PLSCR5: variants seen among roughly 807,000 people sequenced by gnomAD.
The protein encoded by PLSCR5 is phospholipid scramblase family member 5.
A neutral mutation model predicts 33.6 loss-of-function variants in PLSCR5; 44 were observed. The ratio of observed to expected loss-of-function variants is 1.31; its 90% CI spans 1.03 to 1.69. The LOEUF (loss-of-function observed/expected upper bound fraction) is 1.69, where lower values mean the gene tolerates loss of function less well. Ranked by LOEUF, PLSCR5 falls within the 40% of genes most tolerant of loss-of-function variation. PLSCR5 has a pLI of 0.00. For synonymous variants in PLSCR5, 148 were observed against 112.3 expected (o/e 1.32, Z -2.01); for missense variants, 375 against 318.7 (o/e 1.18, Z -1.34).
chr3:146,580,709 C>T (rs991488251), intron 7 of PLSCR5, among the ~76,000 whole-genome samples: 2 of 152,110 alleles, frequency 1.3e-5, no homozygotes, highest in African/African-American at 4.8e-5. Flanking sequence ...GCAAGCCGCC[C>T]GCCTTGGCCT....
At chr3:146,593,873 A>G (rs1576820918) in intron 4 of PLSCR5, 47 bp downstream of exon 4, 1 of 1,547,932 alleles carries the variant, frequency 6.5e-7, no homozygotes, top group Non-Finnish European at 8.9e-7. Flanking sequence ...AAAGAAACAA[A>G]TGCTAATCTT....
chr3:146,604,179 C>A (rs1171685986), intron 1 of PLSCR5, among the ~76,000 whole-genome samples: 2 of 152,116 alleles, frequency 1.3e-5, no homozygotes, highest in African/African-American at 4.8e-5. Context: ...ATTCTTCATG[C>A]TAAAACTTTT....
intron 2 of PLSCR5, among the ~76,000 whole-genome samples, chr3:146,596,393 G>A (rs1368610913): frequency 6.6e-6 from 1 of 152,104 alleles, no homozygotes; most frequent in Non-Finnish European, 1.5e-5. Flanking sequence ...GTTTTGCCAT[G>A]TTGGCCATGC....
At chr3:146,583,811 A>T (rs539615864), downstream of PLSCR5, among the ~76,000 whole-genome samples, 3 of 152,056 alleles carry the variant, frequency 2.0e-5, no homozygotes, top group Non-Finnish European at 4.4e-5. Flanking sequence ...ATTTAATATT[A>T]AAAAAAGTCT....
At chr3:146,602,193 C>T (rs1017546948) in intron 1 of PLSCR5, among the ~76,000 whole-genome samples, 3 of 152,090 alleles carry the variant, frequency 2.0e-5, no homozygotes, top group East Asian at 3.9e-4. Context: ...TAGACCTTCC[C>T]CTGCTCTTGA....
In PLSCR5 at chr3:146,593,988, G is replaced by T. The variant is rs182408490; in HGVS notation, c.385C>A (p.Arg129=). Residue 129 remains arginine (R), a synonymous_variant, in exon 4 of 8, where the codon CGA becomes AGA. Coordinates refer to ENST00000443512, the MANE Select transcript of PLSCR5 (RefSeq NM_001085420.2). ...GGCCTGTTCACTGTAATGACCTCTC[G>T]ACCTGAGTTATCTGTGATCCTCAGG... ...CTLRITDNSG[R]EVITVNRPLR... The T allele has an allele frequency of 6.2e-7, 1 of 1,613,746 alleles. No homozygotes were observed. Among genetic ancestry groups the T allele is most frequent in the Non-Finnish European group, 8.5e-7 (1 of 1,179,804 alleles).
chr3:146,597,639 A>G (rs1019382440), intron 2 of PLSCR5, among the ~76,000 whole-genome samples: 1 of 152,180 alleles, frequency 6.6e-6, no homozygotes, highest in African/African-American at 2.4e-5. Context: ...ATAGCCACTT[A>G]CAAACTATGG....
chr3:146,594,523 TG>T (rs750017051), intron 3 of PLSCR5, among the ~76,000 whole-genome samples: 16 of 152,088 alleles, frequency 1.1e-4, no homozygotes, highest in Non-Finnish European at 2.4e-4. Context: ...AATATTTGTC[TG>T]GTAATATATC....
At chr3:146,604,666 G>C (rs9814319) in intron 1 of PLSCR5, among the ~76,000 whole-genome samples, 11,659 of 152,060 alleles carry the variant, frequency 0.077, 503 homozygotes, top group Non-Finnish European at 0.091. Context: ...CTCAAAGGCT[G>C]AATGCTTGAT....
rs62272759 is a variant in PLSCR5 at position 146,578,249 on chromosome 3, G to T, written c.*45-1524C>A. ...ATATAATGTAAACTTTTTCTCAAAGGTATTTTTTCAGGCTTACACATTGGC... is the reference window on the plus strand; with the variant it reads ...ATATAATGTAAACTTTTTCTCAAAGTTATTTTTTCAGGCTTACACATTGGC... On this transcript the variant is annotated intron_variant, in intron 7 of 7. Transcript: ENST00000482567. Among the ~76,000 whole-genome samples, 770 of 151,830 alleles carry T rather than the reference G, an allele frequency of 5.1e-3. 4 individuals carry two copies. Among genetic ancestry groups the T allele is most frequent in the Admixed American group, 7.4e-3 (113 of 15,248 alleles).
At chr3:146,602,308 G>T (rs1435199172) in intron 1 of PLSCR5, among the ~76,000 whole-genome samples, 3 of 152,078 alleles carry the variant, frequency 2.0e-5, no homozygotes, top group Non-Finnish European at 4.4e-5. Context: ...TAACAATAAT[G>T]ATGCAAAAAT....
chr3:146,579,287 G>A (rs2044618539), intron 7 of PLSCR5, among the ~76,000 whole-genome samples: 2 of 152,076 alleles, frequency 1.3e-5, no homozygotes, highest in Admixed American at 1.3e-4. Flanking sequence ...AATTTGAAAA[G>A]TCAAAATATG....
At chr3:146,583,596 A>G (rs781690434), downstream of PLSCR5, among the ~76,000 whole-genome samples, 79 of 152,346 alleles carry the variant, frequency 5.2e-4, no homozygotes, top group Middle Eastern at 3.4e-3. Context: ...TAAGAAGATC[A>G]ATTTTACCTT....
At chr3:146,586,498 G>C (rs893609501) in intron 6 of PLSCR5, among the ~76,000 whole-genome samples, 1 of 152,082 alleles carries the variant, frequency 6.6e-6, no homozygotes, top group Non-Finnish European at 1.5e-5. Flanking sequence ...CAAACTTTTG[G>C]GTGATAAACC....
intron 2 of PLSCR5, among the ~76,000 whole-genome samples, chr3:146,599,081 G>A (rs1421668135): frequency 6.6e-6 from 1 of 152,164 alleles, no homozygotes; most frequent in Non-Finnish European, 1.5e-5. Flanking sequence ...CTCAATATTA[G>A]TGTAATTGTA....
intron 6 of PLSCR5, among the ~76,000 whole-genome samples, 182 bp from the exon 7 acceptor site, chr3:146,586,294 T>C (rs1209441075): frequency 6.6e-6 from 1 of 152,174 alleles, no homozygotes; most frequent in East Asian, 1.9e-4. Flanking sequence ...TATTTTCATG[T>C]TGAATTTTCA....
rs1173823282 is a variant in PLSCR5, at chr3:146,591,133, A to G, written c.615+587T>C. Among the ~76,000 whole-genome samples the G allele has an allele frequency of 2.6e-5, 4 of 151,650 alleles. No homozygotes were observed. The East Asian group carries it at 5.8e-4, about 22-fold the overall frequency. On this transcript the variant is annotated intron_variant, in intron 5 of 7. Transcript: ENST00000443512. ...GATATGTGATCTCAAGGCCCATAGG[A>G]AAGAAGATACATAATTTAGGTGATT...
intron 6 of PLSCR5, among the ~76,000 whole-genome samples, chr3:146,586,670 T>C (rs1444805385): frequency 6.6e-6 from 1 of 151,646 alleles, no homozygotes; most frequent in African/African-American, 2.4e-5. Context: ...ACTCAAAGAG[T>C]GAGTGGTGAG....
intron 7 of PLSCR5, among the ~76,000 whole-genome samples, chr3:146,577,865 G>T (rs2044608590): frequency 6.6e-6 from 1 of 152,068 alleles, no homozygotes; most frequent in Non-Finnish European, 1.5e-5. Flanking sequence ...ATAATGTGAA[G>T]TGTTGCTGCC....
Sources: gnomAD v4.1 joint callset for allele counts (sites outside exome capture counted in the v4.1 genomes callset) on GRCh38, gnomAD v4.1.1 for gene constraint, MANE v1.5 for transcripts, NCBI Gene and HGNC (gene_info 2026-07-23, HGNC 2026-07-21) for gene names.